The following TRNT1 variants were observed in gnomAD, a reference collection of about 807,000 sequenced individuals.
TRNT1 encodes CCA tRNA nucleotidyltransferase 1, mitochondrial.
Under a neutral mutation model 45.6 loss-of-function variants are expected in TRNT1, and 44 were observed. That is an observed-to-expected ratio of 0.97 (90% CI 0.76 to 1.24). The LOEUF is 1.24. Among genes scored for constraint, TRNT1 ranks in the 50% most tolerant of loss-of-function variants. TRNT1 has a pLI of 0.00. For synonymous variants in TRNT1, 201 were observed against 171.4 expected, an observed-to-expected ratio of 1.17 and a Z score of -1.35; for missense variants, 633 against 504.4, an observed-to-expected ratio of 1.25 and a Z score of -2.44.
chr3:3,133,948 T>C (rs1458370136), intron 2 of TRNT1, among the ~76,000 whole-genome samples: 1 of 152,094 alleles, frequency 6.6e-6, no homozygotes, highest in Non-Finnish European at 1.5e-5. Flanking sequence ...AAGTTAACAT[T>C]AAAAAGAGGT....
At chr3:3,150,717 C>T, downstream of TRNT1, 1 of 783,592 alleles carries the variant, frequency 1.3e-6, no homozygotes, top group South Asian at 1.8e-5. Context: ...TACAGTTTCA[C>T]TTAGAAACTG....
In TRNT1 at chr3:3,148,567, A is replaced by T. The variant is rs749293620; in HGVS notation, c.*413A>T. ...TAACAATGACTGTCTATGATGTGTC[A>T]GTTCTTATCTGAATTCCAAAATAAA... On this transcript the variant is annotated 3_prime_UTR_variant, in exon 8 of 8. Coordinates refer to ENST00000251607, the MANE Select transcript of TRNT1 (RefSeq NM_182916.3). The T allele has an allele frequency of 6.5e-6, 1 of 153,538 alleles. No homozygotes were observed. The highest frequency in any genetic ancestry group is 6.5e-5 in the Admixed American group (1 of 15,456). The allele number at this position is 153,538 out of a possible 1,614,324, so 9.5% of individuals were successfully genotyped here. A position where few individuals can be genotyped will look rare whatever the true frequency, so the allele number is the denominator to read the frequency against.
chr3:3,141,306 C>T (rs1401293944), intron 4 of TRNT1, among the ~76,000 whole-genome samples: 2 of 152,094 alleles, frequency 1.3e-5, no homozygotes, highest in Non-Finnish European at 2.9e-5. Context: ...GAAGTGCACA[C>T]ACACATGGTA....
At chr3:3,133,613 A>G (rs1041447694) in intron 2 of TRNT1, among the ~76,000 whole-genome samples, 19 of 152,062 alleles carry the variant, frequency 1.2e-4, no homozygotes, top group Non-Finnish European at 2.5e-4. Flanking sequence ...GAAGTTCCCA[A>G]TGCAGACGAT....
intron 4 of TRNT1, among the ~76,000 whole-genome samples, chr3:3,143,470 A>G (rs972256928): frequency 6.6e-6 from 1 of 152,216 alleles, no homozygotes; most frequent in Non-Finnish European, 1.5e-5. Flanking sequence ...TAAAGGCTCT[A>G]CAGTGAAGTC....
At chr3:3,147,818 TTTATG>T (rs1559231642) in intron 7 of TRNT1, 83 bp from the exon 8 acceptor site, 1 of 1,524,222 alleles carries the variant, frequency 6.6e-7, no homozygotes, top group Non-Finnish European at 8.8e-7. Flanking sequence ...AATGAAAAAA[TTTATG>T]TTGAGTATTT....
At chr3:3,128,885 T>G (rs1704794714) in intron 1 of TRNT1, 129 bp from the exon 2 acceptor site, 2 of 709,254 alleles carry the variant, frequency 2.8e-6, no homozygotes, top group Non-Finnish European at 4.6e-6. Context: ...ACTGACACCG[T>G]TTTCAGTTTT....
chr3:3,136,918 C>T (rs1705364473), intron 2 of TRNT1: 1 of 276,218 alleles, frequency 3.6e-6, no homozygotes. Flanking sequence ...CCCAAAGTAT[C>T]AGGATTACAG....
chr3:3,139,830 G>A (rs918035136), intron 3 of TRNT1, among the ~76,000 whole-genome samples: 8 of 152,068 alleles, frequency 5.3e-5, no homozygotes, highest in South Asian at 2.1e-4. Flanking sequence ...GGGGTCTAGC[G>A]ATCCTCCCAC....
Position 3,128,577 on chromosome 3 carries a change from C to T in TRNT1, c.-27-437C>T, listed in dbSNP as rs1013845132. Among the ~76,000 whole-genome samples the T allele has an allele frequency of 8.2e-5, 10 of 121,686 alleles. No individual in the cohort carries two copies. The Admixed American group carries it at 9.5e-4, about 12-fold the overall frequency. The allele number at this position is 121,686 out of a possible 152,430, so 79.8% of individuals were successfully genotyped here. On this transcript the variant is annotated intron_variant, in intron 1 of 7. Transcript: ENST00000251607. ...TCGCGCCACTGCACTCCCGCCTGAG[C>T]GACAGAGCGAGACTCCATCTCAAAA...
At chr3:3,152,082 A>ATGAT, downstream of TRNT1, among the ~76,000 whole-genome samples, 1 of 152,274 alleles carries the variant, frequency 6.6e-6, no homozygotes, top group South Asian at 2.1e-4. Context: ...CTTTCATTCA[A>ATGAT]TGATAAAAGA....
At chr3:3,134,233 T>C (rs1037333286) in intron 2 of TRNT1, among the ~76,000 whole-genome samples, 1 of 152,186 alleles carries the variant, frequency 6.6e-6, no homozygotes, top group Non-Finnish European at 1.5e-5. Context: ...AAGATATCAG[T>C]AACAGGAATA....
intron 2 of TRNT1, chr3:3,130,006 A>G (rs893597576): frequency 2.0e-6 from 3 of 1,528,852 alleles, no homozygotes; most frequent in Non-Finnish European, 2.6e-6. Context: ...TGGAAGGAGC[A>G]TAGGAAATGG....
intron 4 of TRNT1, among the ~76,000 whole-genome samples, chr3:3,141,896 C>T (rs537662767): frequency 6.6e-6 from 1 of 152,202 alleles, no homozygotes; most frequent in South Asian, 2.1e-4. Context: ...CATTGGGTAC[C>T]TGATATACTT....
intron 2 of TRNT1, chr3:3,131,450 C>T (rs955025199): frequency 5.3e-5 from 8 of 152,046 alleles, no homozygotes; most frequent in Non-Finnish European, 1.0e-4. Flanking sequence ...TTGTGTTTAA[C>T]GTTCTAAACC....
At chr3:3,130,258 C>T (rs893545490) in intron 2 of TRNT1, 10 of 332,838 alleles carry the variant, frequency 3.0e-5, no homozygotes, top group African/African-American at 1.5e-4. Context: ...GTTCTACCTG[C>T]AGCCTACTGA....
At chr3:3,152,625 G>T, downstream of TRNT1, 1 of 1,612,796 alleles carries the variant, frequency 6.2e-7, no homozygotes, top group Non-Finnish European at 8.5e-7. Flanking sequence ...ACGTCAAAAC[G>T]AGAAGTCTAA....
chr3:3,146,028 C>A (rs1705995319), intron 5 of TRNT1, among the ~76,000 whole-genome samples: 2 of 150,074 alleles, frequency 1.3e-5, no homozygotes, highest in South Asian at 4.3e-4. Context: ...TCAGACTACT[C>A]TGTTAAGGCA....
intron 4 of TRNT1, among the ~76,000 whole-genome samples, chr3:3,144,281 A>T (rs1449206225): frequency 6.6e-6 from 1 of 152,150 alleles, no homozygotes; most frequent in Non-Finnish European, 1.5e-5. Context: ...CCATATTGTG[A>T]AAATTAGCTT....
Sources: gnomAD v4.1 joint callset for allele counts (sites outside exome capture counted in the v4.1 genomes callset) on GRCh38, gnomAD v4.1.1 for gene constraint, MANE v1.5 for transcripts, NCBI Gene and HGNC (gene_info 2026-07-23, HGNC 2026-07-21) for gene names.